Variants in KCND2 observed in about 807,000 individuals in gnomAD.
KCND2 encodes potassium voltage-gated channel subfamily D member 2.
KCND2 carries 16 observed loss-of-function variants against 54.4 expected under a neutral mutation model. The observed-to-expected ratio is 0.29, with a 90% CI of 0.20 to 0.45. KCND2 has a LOEUF of 0.45. Ranked by LOEUF, KCND2 falls within the 20% of genes least tolerant of loss-of-function variation. KCND2 has a pLI of 1.00. For synonymous variants in KCND2, 317 were observed against 310.7 expected (o/e 1.02, Z -0.21); for missense variants, 486 against 824.2 (o/e 0.59, Z 5.02).
intron 1 of KCND2, among the ~76,000 whole-genome samples, chr7:120,492,388 A>G (rs1176689640): frequency 6.6e-6 from 1 of 152,034 alleles, no homozygotes; most frequent in African/African-American, 2.4e-5. Context: ...ACATACATGT[A>G]TGTACATGCA....
At chr7:120,332,808 G>C (rs1333671312) in intron 1 of KCND2, among the ~76,000 whole-genome samples, 1 of 151,794 alleles carries the variant, frequency 6.6e-6, no homozygotes, top group Non-Finnish European at 1.5e-5. Flanking sequence ...ACCTACTTTT[G>C]CTTATACAGC....
chr7:120,546,874 C>G (rs1397090435), intron 1 of KCND2, among the ~76,000 whole-genome samples: 1 of 151,602 alleles, frequency 6.6e-6, no homozygotes, highest in Non-Finnish European at 1.5e-5. Flanking sequence ...TTCATGCTAT[C>G]TGCAATGTAA....
At chr7:120,667,795 A>C (rs1396548732) in intron 1 of KCND2, among the ~76,000 whole-genome samples, 1 of 152,074 alleles carries the variant, frequency 6.6e-6, no homozygotes, top group Non-Finnish European at 1.5e-5. Flanking sequence ...GAGAGTAAAA[A>C]TAAAACGAGA....
chr7:120,312,240 T>A (rs1414181906), intron 1 of KCND2, among the ~76,000 whole-genome samples: 1 of 152,114 alleles, frequency 6.6e-6, no homozygotes, highest in Non-Finnish European at 1.5e-5. Context: ...CCGCGTAGTA[T>A]TCCATGGTGT....
intron 1 of KCND2, among the ~76,000 whole-genome samples, chr7:120,584,783 CTTTGGGTGAAAGATGCA>C (rs1327471180): frequency 1.3e-5 from 2 of 152,126 alleles, no homozygotes; most frequent in Non-Finnish European, 2.9e-5. Context: ...CACACACACA[CTTTGGGTGAAAGATGCA>C]ATATTAGTTA....
chr7:120,747,177 T>C (rs982218706), intron 5 of KCND2, among the ~76,000 whole-genome samples: 1 of 152,072 alleles, frequency 6.6e-6, no homozygotes, highest in Admixed American at 6.6e-5. Context: ...CTTGAAGTGT[T>C]AGATAGTAAT....
At chr7:120,622,543 A>T (rs1793112288) in intron 1 of KCND2, among the ~76,000 whole-genome samples, 2 of 152,070 alleles carry the variant, frequency 1.3e-5, no homozygotes, top group Non-Finnish European at 1.5e-5. Context: ...CAAATAAATA[A>T]ATATATAAAA....
intron 1 of KCND2, among the ~76,000 whole-genome samples, chr7:120,630,259 AT>A (rs1336159933): frequency 6.6e-6 from 1 of 152,242 alleles, no homozygotes; most frequent in Non-Finnish European, 1.5e-5. Context: ...GTAAAAATTC[AT>A]TAAAATTTTG....
chr7:120,508,891 AT>A lies in KCND2; in HGVS notation c.1116-223998del, dbSNP rs57245091. 2.9e-3 allele frequency among the ~76,000 whole-genome samples: 398 copies of A among 137,908 alleles called. 1 individual carries two copies. The highest frequency in any genetic ancestry group is 2.9e-3 in the African/African-American group (106 of 36,174). The allele number at this position is 137,908 out of a possible 152,430, so 90.5% of individuals were successfully genotyped here. On this transcript the variant is annotated intron_variant, in intron 1 of 5. Transcript: ENST00000331113. ...TTTAGATTGGAAGTTGCCTTTCACG[AT>A]TTTTTTTTTTTTTGGACATCCTTTT...
intron 1 of KCND2, among the ~76,000 whole-genome samples, chr7:120,629,767 C>T (rs1001054286): frequency 1.3e-5 from 2 of 152,020 alleles, no homozygotes; most frequent in African/African-American, 4.8e-5. Flanking sequence ...TTGGAGGCTA[C>T]TGGATGGGCT....
At chr7:120,559,381 A>G (rs904126468) in intron 1 of KCND2, among the ~76,000 whole-genome samples, 5 of 152,192 alleles carry the variant, frequency 3.3e-5, no homozygotes, top group Non-Finnish European at 5.9e-5. Flanking sequence ...GTCAACAACT[A>G]CACTTGCAGA....
chr7:120,505,629 T>G (rs1803004014), intron 1 of KCND2, among the ~76,000 whole-genome samples: 1 of 151,758 alleles, frequency 6.6e-6, no homozygotes, highest in Admixed American at 6.6e-5. Context: ...CATGGACCTG[T>G]TTTAGCTGAC....
intron 1 of KCND2, among the ~76,000 whole-genome samples, chr7:120,411,898 G>A (rs888942260): frequency 6.6e-6 from 1 of 151,958 alleles, no homozygotes; most frequent in East Asian, 1.9e-4. Context: ...ACCTAGATAG[G>A]ACTTTTGCAA....
chr7:120,434,203 A>G (rs1418857849), intron 1 of KCND2, among the ~76,000 whole-genome samples: 4 of 152,242 alleles, frequency 2.6e-5, no homozygotes, highest in Non-Finnish European at 4.4e-5. Context: ...CTCACAACGT[A>G]TATACTAAGC....
At chr7:120,463,901 TGATAGATA>T (rs3067093) in intron 1 of KCND2, 4,176 of 161,886 alleles carry the variant, frequency 0.026, 128 homozygotes, top group African/African-American at 0.08. Flanking sequence ...GATAGATGAT[TGATAGATA>T]GATAGATAGA....
chr7:120,700,767 T>C (rs1288095842), intron 1 of KCND2, among the ~76,000 whole-genome samples: 1 of 152,216 alleles, frequency 6.6e-6, no homozygotes, highest in Non-Finnish European at 1.5e-5. Context: ...TAAGTATTTA[T>C]TGAACATAGA....
At chr7:120,648,699 G>A (rs1324123101) in intron 1 of KCND2, among the ~76,000 whole-genome samples, 2 of 152,076 alleles carry the variant, frequency 1.3e-5, no homozygotes, top group Non-Finnish European at 2.9e-5. Context: ...TTTTCCTTAA[G>A]CCTATTAAAA....
intron 3 of KCND2, 108 bp from the exon 4 acceptor site, chr7:120,742,402 A>T (rs1216806492): frequency 1.1e-6 from 1 of 887,050 alleles, no homozygotes; most frequent in Non-Finnish European, 1.9e-6. Flanking sequence ...AGAAAAAAAT[A>T]AAATGTTGCC....
intron 1 of KCND2, among the ~76,000 whole-genome samples, chr7:120,335,472 T>TTAC (rs1800136103): frequency 1.3e-4 from 11 of 85,798 alleles, no homozygotes; most frequent in African/African-American, 6.7e-4. Flanking sequence ...TACTTACTTA[T>TTAC]TTATTTATTT....
Sources: gnomAD v4.1 joint callset for allele counts (sites outside exome capture counted in the v4.1 genomes callset) on GRCh38, gnomAD v4.1.1 for gene constraint, MANE v1.5 for transcripts, NCBI Gene and HGNC (gene_info 2026-07-23, HGNC 2026-07-21) for gene names.